Variants in ANKS1B observed in about 807,000 individuals in gnomAD.
ANKS1B encodes ankyrin repeat and sterile alpha motif domain-containing protein 1B.
In ANKS1B, 36 loss-of-function variants were observed where a neutral mutation model predicts 148.3. The ratio of observed to expected loss-of-function variants is 0.24; its 90% CI spans 0.19 to 0.32. The LOEUF (loss-of-function observed/expected upper bound fraction) is 0.32. ANKS1B is among the 10% of genes least tolerant of loss of function. The probability of loss-of-function intolerance (pLI) is 1.00; values close to 1 mark genes in which losing one functional copy is unlikely to be tolerated. For missense variants in ANKS1B, 1,157 were observed against 1,542.6 expected, an observed-to-expected ratio of 0.75 and a Z score of 4.19; for synonymous variants, 542 against 560.8, an observed-to-expected ratio of 0.97 and a Z score of 0.47.
chr12:99,771,411 T>C (rs533177930), intron 8 of ANKS1B, among the ~76,000 whole-genome samples: 2 of 152,204 alleles, frequency 1.3e-5, no homozygotes, highest in Admixed American at 6.5e-5. Context: ...GTTTTACAAG[T>C]AGAAGGCCAG....
intron 9 of ANKS1B, among the ~76,000 whole-genome samples, chr12:99,614,484 G>C (rs550704279): frequency 5.4e-5 from 8 of 148,924 alleles, no homozygotes; most frequent in Admixed American, 2.7e-4. Flanking sequence ...GGGAAGGGGA[G>C]GGGAGGGGAG....
chr12:98,807,165 T>C (rs901693104), intron 20 of ANKS1B, among the ~76,000 whole-genome samples: 2 of 152,198 alleles, frequency 1.3e-5, no homozygotes, highest in African/African-American at 4.8e-5. Flanking sequence ...ATTTTCCAAA[T>C]AGAAATAAAC....
At chr12:99,492,521 A>G (rs936048266) in intron 10 of ANKS1B, among the ~76,000 whole-genome samples, 11 of 152,214 alleles carry the variant, frequency 7.2e-5, no homozygotes, top group African/African-American at 2.4e-4. Context: ...CAAAAAATTG[A>G]TAAGGGACTC....
rs528967754 is a variant in ANKS1B, at chr12:98,833,575, T to A, written c.2779-1439A>T. 8.4e-5 allele frequency among the ~76,000 whole-genome samples: 3 copies of A among 35,830 alleles called. No homozygotes were observed. The South Asian group carries it at 5.4e-3, about 65-fold the overall frequency. 23.5% of individuals were successfully genotyped at this position (35,830 alleles called of 152,430 possible). A position where few individuals can be genotyped will look rare whatever the true frequency, so the allele number is the denominator to read the frequency against. ...CGTTTCTTTGGCAGGCATCCCATGA[T>A]ACCTTGAATTTTTTTTAAATTTCAA... On this transcript the variant is annotated intron_variant, in intron 17 of 26. Transcript: ENST00000683438.
chr12:99,453,016 C>T (rs751759279), intron 10 of ANKS1B, among the ~76,000 whole-genome samples: 107 of 152,156 alleles, frequency 7.0e-4, no homozygotes, highest in Non-Finnish European at 1.2e-3. Flanking sequence ...TGAGGCCGGG[C>T]ACAGTGGCTC....
chr12:99,380,665 T>A (rs1336302788), intron 12 of ANKS1B, among the ~76,000 whole-genome samples: 1 of 152,194 alleles, frequency 6.6e-6, no homozygotes, highest in African/African-American at 2.4e-5. Context: ...ATATATTGAT[T>A]AGAAAAAAAT....
intron 7 of ANKS1B, among the ~76,000 whole-genome samples, chr12:99,775,154 C>T (rs1474258959): frequency 6.6e-6 from 1 of 151,680 alleles, no homozygotes; most frequent in Non-Finnish European, 1.5e-5. Flanking sequence ...AGTGTTCTCT[C>T]CAAAATAAAA....
chr12:99,370,055 C>T (rs189682053), intron 12 of ANKS1B, among the ~76,000 whole-genome samples: 2 of 149,802 alleles, frequency 1.3e-5, no homozygotes, highest in East Asian at 4.1e-4. Context: ...ATAAAGAAGA[C>T]CCTTATAAGT....
In ANKS1B at chr12:99,215,747, T is replaced by G. The variant is rs369553751; in HGVS notation, c.2419+28595A>C. Among the ~76,000 whole-genome samples, 75 of 152,348 alleles carry G rather than the reference T, an allele frequency of 4.9e-4. No homozygotes were observed. The South Asian group carries it at 9.3e-3, about 19-fold the overall frequency. ...ATTTACCCAATGCCTGTACCCTCAT[T>G]ATACCTAGGAAGTAACTAACTTGCT... On this transcript the variant is annotated intron_variant, in intron 14 of 26. Transcript: ENST00000683438.
intron 14 of ANKS1B, among the ~76,000 whole-genome samples, chr12:99,207,403 TAACAA>T (rs1379701531): frequency 6.6e-6 from 1 of 151,938 alleles, no homozygotes; most frequent in African/African-American, 2.4e-5. Flanking sequence ...CAGTCATTCT[TAACAA>T]AACTAAAGTA....
At chr12:99,097,141 TA>T (rs1472343885) in intron 15 of ANKS1B, 1 of 152,182 alleles carries the variant, frequency 6.6e-6, no homozygotes, top group Non-Finnish European at 1.5e-5. Flanking sequence ...ATGAGTTTTT[TA>T]GATTTATTAA....
intron 16 of ANKS1B, among the ~76,000 whole-genome samples, chr12:99,063,068 C>A (rs2042967031): frequency 2.0e-5 from 3 of 152,136 alleles, no homozygotes; most frequent in Non-Finnish European, 4.4e-5. Context: ...TCCTCAGATA[C>A]AAACACAGCA....
chr12:99,900,520 A>AC (rs2093562439), intron 1 of ANKS1B, among the ~76,000 whole-genome samples: 1 of 146,176 alleles, frequency 6.8e-6, no homozygotes. Context: ...AAAAAAAAAA[A>AC]AAAAAAAACT....
At chr12:99,257,483 A>C (rs576225059) in intron 12 of ANKS1B, among the ~76,000 whole-genome samples, 1 of 152,122 alleles carries the variant, frequency 6.6e-6, no homozygotes, top group Non-Finnish European at 1.5e-5. Flanking sequence ...TAAATTTTTC[A>C]TATCTGAAAA....
At chr12:99,186,197 C>T (rs915363057) in intron 14 of ANKS1B, among the ~76,000 whole-genome samples, 2 of 152,180 alleles carry the variant, frequency 1.3e-5, no homozygotes, top group African/African-American at 4.8e-5. Context: ...TAGATTCCTC[C>T]TCTCTGGCAG....
At chr12:99,044,345 A>G (rs1256739606) in intron 17 of ANKS1B, among the ~76,000 whole-genome samples, 1 of 149,042 alleles carries the variant, frequency 6.7e-6, no homozygotes, top group Non-Finnish European at 1.5e-5. Flanking sequence ...AAAAAAGCTA[A>G]TTCACCCTGA....
At chr12:99,092,470 G>GAAAAAAAAAAA (rs5800375) in intron 15 of ANKS1B, among the ~76,000 whole-genome samples, 1 of 116,694 alleles carries the variant, frequency 8.6e-6, no homozygotes, top group Admixed American at 8.5e-5. Context: ...CTGTGAAGCT[G>GAAAAAAAAAAA]AAAAAAAAAA....
chr12:99,319,627 T>C (rs969944369), intron 12 of ANKS1B, among the ~76,000 whole-genome samples: 3 of 150,680 alleles, frequency 2.0e-5, no homozygotes, highest in Admixed American at 6.6e-5. Flanking sequence ...TGAGTCTTTA[T>C]CCAATTTGCC....
At chr12:99,753,192 G>A (rs981738509) in intron 8 of ANKS1B, among the ~76,000 whole-genome samples, 3 of 152,116 alleles carry the variant, frequency 2.0e-5, no homozygotes, top group Admixed American at 6.6e-5. Context: ...CTGAGCTGGA[G>A]TAAGTAAGGA....
Sources: allele counts gnomAD v4.1 joint callset (sites outside exome capture counted in the v4.1 genomes callset), GRCh38; gene constraint gnomAD v4.1.1; transcripts MANE v1.5; gene names NCBI Gene and HGNC (gene_info 2026-07-23, HGNC 2026-07-21).